KIAA0825: variants seen among roughly 807,000 people sequenced by gnomAD.
KIAA0825 encodes uncharacterized protein KIAA0825.
Under a neutral mutation model 147.6 loss-of-function variants are expected in KIAA0825, and 119 were observed. That is an observed-to-expected ratio of 0.81 (90% confidence interval 0.69 to 0.94). The LOEUF (loss-of-function observed/expected upper bound fraction) is 0.94. Among genes scored for constraint, KIAA0825 ranks in the 40% least tolerant of loss-of-function variants. The probability of loss-of-function intolerance (pLI) is 0.00; values close to 1 mark genes in which losing one functional copy is unlikely to be tolerated. For synonymous variants in KIAA0825, 470 were observed against 518.1 expected, an observed-to-expected ratio of 0.91 and a Z score of 1.26; for missense variants, 1,381 against 1,472.7, an observed-to-expected ratio of 0.94 and a Z score of 1.02.
At position 94,152,878 on chromosome 5, in the gene KIAA0825, AT is replaced by A. The variant is rs1562284186; in HGVS notation, c.*1128del. The A allele has an allele frequency of 2.7e-3, 177 of 64,564 alleles. 18 individuals carry two copies. Among genetic ancestry groups the A allele is most frequent in the South Asian group, 5.9e-3 (10 of 1,688 alleles). 4.0% of individuals were successfully genotyped at this position (64,564 alleles called of 1,614,324 possible). ...AAATTATATATATATATATATATAT[AT>A]ATATATATATATATATATATATATG... On this transcript the variant is annotated 3_prime_UTR_variant, in exon 21 of 21. Coordinates refer to ENST00000682413, the MANE Select transcript of KIAA0825 (RefSeq NM_001145678.3).
chr5:94,225,146 A>G (rs921664571), intron 20 of KIAA0825, among the ~76,000 whole-genome samples: 6 of 152,216 alleles, frequency 3.9e-5, no homozygotes, highest in Non-Finnish European at 8.8e-5. Flanking sequence ...ACCTTAAGTT[A>G]TATAATCTCC....
At chr5:94,310,017 A>G (rs1562367251) in intron 20 of KIAA0825, among the ~76,000 whole-genome samples, 1 of 151,736 alleles carries the variant, frequency 6.6e-6, no homozygotes, top group Non-Finnish European at 1.5e-5. Context: ...CAGATAATTG[A>G]CATATTATGT....
At chr5:94,257,345 G>A (rs1776297128) in intron 20 of KIAA0825, among the ~76,000 whole-genome samples, 1 of 151,980 alleles carries the variant, frequency 6.6e-6, no homozygotes, top group African/African-American at 2.4e-5. Flanking sequence ...CACAGACCAT[G>A]CTTAACCTAT....
At chr5:94,344,725 T>C (rs1782800697) in intron 20 of KIAA0825, among the ~76,000 whole-genome samples, 1 of 152,220 alleles carries the variant, frequency 6.6e-6, no homozygotes, top group African/African-American at 2.4e-5. Context: ...GCAATATTGT[T>C]TGGCCTTTAA....
At chr5:94,178,473 T>G (rs1769313233) in intron 20 of KIAA0825, among the ~76,000 whole-genome samples, 1 of 152,010 alleles carries the variant, frequency 6.6e-6, no homozygotes, top group Non-Finnish European at 1.5e-5. Context: ...TCCTTCTTCA[T>G]TTTTTCCCCT....
intron 15 of KIAA0825, among the ~76,000 whole-genome samples, chr5:94,408,639 T>C (rs138690505): frequency 6.6e-6 from 1 of 152,040 alleles, no homozygotes; most frequent in African/African-American, 2.4e-5. Context: ...TGCTAAAGTG[T>C]TGGGATTACA....
chr5:94,183,031 T>C (rs1769805829), intron 20 of KIAA0825, among the ~76,000 whole-genome samples: 1 of 152,134 alleles, frequency 6.6e-6, no homozygotes, highest in Non-Finnish European at 1.5e-5. Flanking sequence ...GGAAGAGAGT[T>C]TGTGGGTTTT....
chr5:94,300,326 T>G (rs1778335580), intron 20 of KIAA0825, among the ~76,000 whole-genome samples: 1 of 152,100 alleles, frequency 6.6e-6, no homozygotes, highest in African/African-American at 2.4e-5. Flanking sequence ...TCCTAAAAAA[T>G]GATAAATAGC....
rs944161603 is a variant in KIAA0825 at position 94,403,772 on chromosome 5, T to C, written c.2684A>G (p.Glu895Gly). 17 of 1,551,368 alleles carry C rather than the reference T, an allele frequency of 1.1e-5. No individual in the cohort carries two copies. In the African/African-American group the frequency reaches 2.2e-4, roughly 20 times the overall value. Residue 895 changes from glutamate (E) to glycine (G), a missense_variant, in exon 16 of 21, where the codon GAG becomes GGG. Transcript: ENST00000682413. ...TCTCAAGCATCGGATGACCTCTAGC[T>C]CGTACTCCACGCACGTTGAGACTTT... is the stretch of plus-strand genomic sequence containing the variant. The part of the protein sequence containing the change: ...NIPVSTCVEY[E>G]LEVIRCLRLA...
At chr5:94,471,387 C>T in intron 9 of KIAA0825, 79 bp downstream of exon 9, 1 of 1,402,004 alleles carries the variant, frequency 7.1e-7, no homozygotes. Context: ...ATCTTATTAC[C>T]AAAATTTCAT....
intron 20 of KIAA0825, among the ~76,000 whole-genome samples, chr5:94,226,212 A>G (rs550971786): frequency 2.0e-5 from 3 of 152,368 alleles, no homozygotes; most frequent in East Asian, 3.9e-4. Context: ...AAGGATATGA[A>G]CAGACACTTC....
chr5:94,600,027 T>C (rs1307415885), intron 1 of KIAA0825, among the ~76,000 whole-genome samples: 1 of 152,216 alleles, frequency 6.6e-6, no homozygotes, highest in African/African-American at 2.4e-5. Flanking sequence ...TGAATATATA[T>C]TTCTCCGAGG....
chr5:94,194,163 G>A (rs138720675), intron 20 of KIAA0825, among the ~76,000 whole-genome samples: 1,544 of 152,236 alleles, frequency 0.01, 16 homozygotes, highest in Admixed American at 0.015. Context: ...GCAGCTGCTT[G>A]CAGACAATGT....
intron 20 of KIAA0825, among the ~76,000 whole-genome samples, chr5:94,157,612 T>C (rs927051892): frequency 1.3e-5 from 2 of 152,242 alleles, no homozygotes; most frequent in African/African-American, 4.8e-5. Flanking sequence ...CCTGCTACTC[T>C]GTATATTTTA....
chr5:94,366,640 G>A (rs776846249), intron 20 of KIAA0825, among the ~76,000 whole-genome samples: 16 of 152,112 alleles, frequency 1.1e-4, no homozygotes, highest in Non-Finnish European at 2.1e-4. Flanking sequence ...ACCTGCTAAA[G>A]GTTAAGTTTT....
chr5:94,296,511 T>G (rs1371541905), intron 20 of KIAA0825, among the ~76,000 whole-genome samples: 1 of 152,204 alleles, frequency 6.6e-6, no homozygotes, highest in Non-Finnish European at 1.5e-5. Context: ...GTTTTGTGCT[T>G]GAATCCCAGG....
intron 20 of KIAA0825, among the ~76,000 whole-genome samples, chr5:94,195,998 G>T (rs1771096232): frequency 6.6e-6 from 1 of 152,180 alleles, no homozygotes. Context: ...CATCTCTGCA[G>T]GAGGGTTGCT....
intron 20 of KIAA0825, among the ~76,000 whole-genome samples, chr5:94,199,005 G>A (rs937428510): frequency 4.6e-5 from 7 of 152,024 alleles, no homozygotes; most frequent in African/African-American, 1.7e-4. Context: ...ATCTTTTTGA[G>A]CTTTCTTGCC....
rs139520955 is a variant in KIAA0825, at chr5:94,452,613, C to T, written c.2357+346G>A. Among the ~76,000 whole-genome samples, 714 of 152,296 alleles carry T rather than the reference C, an allele frequency of 4.7e-3. 3 individuals are homozygous for T. Among genetic ancestry groups the T allele is most frequent in the African/African-American group, 0.015 (623 of 41,570 alleles). ...CTTCTCTTTCAACTTCTACCTAAGG[C>T]TCTGAGTTAGTTACATGTCTATGTT... On this transcript the variant is annotated intron_variant, in intron 13 of 20. Coordinates refer to ENST00000682413, the MANE Select transcript of KIAA0825 (RefSeq NM_001145678.3).
Sources: allele counts gnomAD v4.1 joint callset (sites outside exome capture counted in the v4.1 genomes callset), GRCh38; gene constraint gnomAD v4.1.1; transcripts MANE v1.5; gene names NCBI Gene and HGNC (gene_info 2026-07-23, HGNC 2026-07-21).